Variants in KIFC1 observed in about 807,000 individuals in gnomAD.
KIFC1 encodes the protein kinesin-like protein KIFC1.
In KIFC1, 37 loss-of-function variants were observed where a neutral mutation model predicts 66.6. That is an observed-to-expected ratio of 0.56 (90% CI 0.43 to 0.73). KIFC1 has a LOEUF of 0.73. Among genes scored for constraint, KIFC1 ranks in the 30% least tolerant of loss-of-function variants. The pLI is 0.00. For missense variants in KIFC1, 721 were observed against 859.8 expected, an observed-to-expected ratio of 0.84 and a Z score of 2.02; for synonymous variants, 325 against 343.5, an observed-to-expected ratio of 0.95 and a Z score of 0.60.
rs1014722537 is a variant in KIFC1, at chr6:33,404,212, G to A, written c.756+83G>A. 5.3e-5 allele frequency: 74 copies of A among 1,399,412 alleles called. No individual in the cohort carries two copies. The highest frequency in any genetic ancestry group is 5.9e-5 in the Non-Finnish European group (61 of 1,025,212). 86.7% of individuals were successfully genotyped at this position (1,399,412 alleles called of 1,614,324 possible). A position where few individuals can be genotyped will look rare whatever the true frequency, so the allele number is the denominator to read the frequency against. ...CCCCTCCCTTCCAGGTACCCCTCAA[G>A]TCTGGGCTGAGAACTCCTGAGCACC... On this transcript the variant is annotated intron_variant, in intron 6 of 10. Transcript: ENST00000428849. This position sits in a 1 kb window ranked among gnomAD's most constrained non-coding sequence, Gnocchi z 4.0.
Position 33,400,264 on chromosome 6 carries a change from A to G in KIFC1, c.250+1877A>G, listed in dbSNP as rs1775304545. 33 of 1,567,502 alleles carry G rather than the reference A, an allele frequency of 2.1e-5. No homozygotes were observed. The highest frequency in any genetic ancestry group is 2.7e-5 in the Non-Finnish European group (31 of 1,153,192). On this transcript the variant is annotated intron_variant, in intron 3 of 10. Coordinates refer to ENST00000428849, the MANE Select transcript of KIFC1 (RefSeq NM_002263.4). This position sits in a 1 kb window ranked among gnomAD's most constrained non-coding sequence, Gnocchi z 4.3. ...AAAAGTGATATTCCCATTGTGTTTA[A>G]TGTTTTTCTGTTTCTTTCTGTCTCT...
intron 1 of KIFC1, among the ~76,000 whole-genome samples, chr6:33,392,466 G>A (rs1428083102): frequency 6.6e-6 from 1 of 152,160 alleles, no homozygotes; most frequent in Non-Finnish European, 1.5e-5. Context: ...TGTAGGAAAG[G>A]GAGAAGGAGA....
Position 33,406,100 on chromosome 6 carries a change from T to C in KIFC1, c.1537-96T>C, listed in dbSNP as rs536814909. 87 of 1,170,924 alleles carry C rather than the reference T, an allele frequency of 7.4e-5. No homozygotes were observed. Among genetic ancestry groups the C allele is most frequent in the Non-Finnish European group, 1.0e-4 (83 of 824,396 alleles). The allele number at this position is 1,170,924 out of a possible 1,614,324, so 72.5% of individuals were successfully genotyped here. On this transcript the variant is annotated intron_variant, in intron 7 of 10. Transcript: ENST00000428849. This position sits in a 1 kb window ranked among gnomAD's most constrained non-coding sequence, Gnocchi z 4.5. ...TTTGTTTCTTGACAGGCTAGAAAGC[T>C]TCAAGAGGGTGGGGGTGGGCTCTTA...
rs1775462887 is a variant in KIFC1, at chr6:33,403,202, T to G, written c.251-112T>G. On this transcript the variant is annotated intron_variant, in intron 3 of 10. Coordinates refer to ENST00000428849, the MANE Select transcript of KIFC1 (RefSeq NM_002263.4). This position sits in a 1 kb window ranked among gnomAD's most constrained non-coding sequence, Gnocchi z 4.6. ...AGACTTAGGGATAAGGGAAGGAAGT[T>G]ATCCTATTTCTAATTCTGAGAAAAG... 2.0e-6 allele frequency: 2 copies of G among 980,020 alleles called. No individual in the cohort carries two copies. The highest frequency in any genetic ancestry group is 2.7e-5 in the South Asian group (2 of 74,134). The allele number at this position is 980,020 out of a possible 1,614,324, so 60.7% of individuals were successfully genotyped here.
intron 10 of KIFC1, chr6:33,407,090 T>TAA: frequency 5.3e-6 from 7 of 1,319,900 alleles, no homozygotes; most frequent in South Asian, 1.7e-5. Context: ...GAAAGCTGAT[T>TAA]AAAAAAAAAA....
Position 33,405,116 on chromosome 6 carries a change from C to T in KIFC1, c.1021C>T (p.Pro341Ser), listed in dbSNP as rs1775575333. The T allele has an allele frequency of 2.5e-6, 4 of 1,614,118 alleles. No individual in the cohort carries two copies. In the South Asian group the frequency reaches 3.3e-5, roughly 13 times the overall value. The change falls in exon 7 of 11, where the codon CCC becomes TCC. Residue 341 changes from proline to serine, a missense_variant. Pro to Ser is a moderately conservative substitution (Grantham distance 74). Transcript: ENST00000428849. The surrounding 1 kb of genome is among the most constrained non-coding windows in gnomAD (Gnocchi z 5.4). ...LLLFPSGPGG[P>S]SDPPTRLSLS... Reference sequence around the variant, plus strand: ...CCTGTTTCCCTCTGGCCCTGGTGGGCCCTCTGATCCTCCAACCCGCCTTAG... The same window carrying T: ...CCTGTTTCCCTCTGGCCCTGGTGGGTCCTCTGATCCTCCAACCCGCCTTAG...
chr6:33,391,635 AT>A, upstream of KIFC1: 1 of 488,948 alleles, frequency 2.0e-6, no homozygotes, highest in South Asian at 2.1e-5. Flanking sequence ...GGTGAGAAGC[AT>A]AAGTGGCACC....
intron 1 of KIFC1, among the ~76,000 whole-genome samples, chr6:33,396,987 C>CTTTTTTTTTTTTTTTT (rs9282514): frequency 1.1e-5 from 1 of 89,204 alleles, no homozygotes; most frequent in Non-Finnish European, 2.1e-5. Context: ...TGGCCAAGTT[C>CTTTTTTTTTTTTTTTT]TTTTTTTTTT....
intron 10 of KIFC1, chr6:33,407,226 TAGTGAGACC>T: frequency 2.6e-6 from 1 of 387,818 alleles, no homozygotes; most frequent in Non-Finnish European, 4.3e-6. Context: ...CTGGGCAACA[TAGTGAGACC>T]CTGTCTCTAC....
At chr6:33,396,607 A>T (rs1369995013) in intron 1 of KIFC1, among the ~76,000 whole-genome samples, 1 of 151,348 alleles carries the variant, frequency 6.6e-6, no homozygotes, top group Non-Finnish European at 1.5e-5. Context: ...CTGGTTCGCT[A>T]AGGTGGATGT....
At chr6:33,397,949 T>C in intron 1 of KIFC1, 80 bp from the exon 2 acceptor site, 1 of 1,506,430 alleles carries the variant, frequency 6.6e-7, no homozygotes, top group South Asian at 1.2e-5. Context: ...TGTTGACAAT[T>C]GAGGCTGGGG....
chr6:33,396,974 G>A (rs1205400734), intron 1 of KIFC1, among the ~76,000 whole-genome samples: 71 of 139,494 alleles, frequency 5.1e-4, no homozygotes, highest in Admixed American at 9.0e-4. Flanking sequence ...AAGCCACCGC[G>A]CCTGGCCAAG....
chr6:33,408,020 G>A (rs1775736780), intron 10 of KIFC1, among the ~76,000 whole-genome samples: 1 of 152,170 alleles, frequency 6.6e-6, no homozygotes, highest in African/African-American at 2.4e-5. Flanking sequence ...CTTTGATGAG[G>A]GTTTCCCTCA....
rs367653320 is a variant in KIFC1 at position 33,406,554 on chromosome 6, C to T, written c.1828-38C>T. On this transcript the variant is annotated intron_variant, in intron 8 of 10. Transcript: ENST00000428849. The surrounding 1 kb of genome is among the most constrained non-coding windows in gnomAD (Gnocchi z 4.5). ...TTGGGGTTGGCTGTGCAGAACCCTG[C>T]CTATTCCTAAACATCTGTCCCCACC... The T allele has an allele frequency of 1.9e-6, 3 of 1,613,270 alleles. No homozygotes were observed. The highest frequency in any genetic ancestry group is 1.7e-6 in the Non-Finnish European group (2 of 1,179,494).
intron 3 of KIFC1, among the ~76,000 whole-genome samples, chr6:33,402,003 C>G (rs1282059100): frequency 6.6e-6 from 1 of 152,170 alleles, no homozygotes; most frequent in African/African-American, 2.4e-5. Flanking sequence ...CAGTGCCTGG[C>G]CTGGAATGCC....
rs192161187 is a variant in KIFC1 at position 33,405,767 on chromosome 6, G to A, written c.1536+136G>A. ...GTTATCAGGCTGGGTTACCACATCC[G>A]GTTTTGGCCTGTGGGCTGTCGGTAG... On this transcript the variant is annotated intron_variant, in intron 7 of 10. Transcript: ENST00000428849. The surrounding 1 kb of genome is among the most constrained non-coding windows in gnomAD (Gnocchi z 5.4). 4,181 of 950,590 alleles carry A rather than the reference G, an allele frequency of 4.4e-3. 25 individuals carry two copies. The highest frequency in any genetic ancestry group is 0.014 in the South Asian group (628 of 44,672). 58.9% of individuals were successfully genotyped at this position (950,590 alleles called of 1,614,324 possible). A position where few individuals can be genotyped will look rare whatever the true frequency, so the allele number is the denominator to read the frequency against.
chr6:33,392,118 C>A, intron 1 of KIFC1, 121 bp downstream of exon 1: 1 of 1,098,266 alleles, frequency 9.1e-7, no homozygotes. Context: ...GAGCGAAGGT[C>A]CGTGCGCCCC....
chr6:33,407,435 A>G (rs1159202058), intron 10 of KIFC1, among the ~76,000 whole-genome samples: 4 of 152,112 alleles, frequency 2.6e-5, no homozygotes, highest in Non-Finnish European at 4.4e-5. Flanking sequence ...AAAAATCCCT[A>G]AGATTCCTCC....
Position 33,404,872 on chromosome 6 carries a change from A to G in KIFC1, c.777A>G (p.Glu259=), listed in dbSNP as rs1337802646. 4 of 1,611,802 alleles carry G rather than the reference A, an allele frequency of 2.5e-6. No homozygotes were observed. The highest frequency in any genetic ancestry group is 1.7e-4 in the Middle Eastern group (1 of 6,050). The change falls in exon 7 of 11, where the codon GAA becomes GAG. Residue 259 remains glutamate (E), a synonymous_variant. Coordinates refer to ENST00000428849, the MANE Select transcript of KIFC1 (RefSeq NM_002263.4). This position sits in a 1 kb window ranked among gnomAD's most constrained non-coding sequence, Gnocchi z 4.0. ...GGCAGAGGAGGCTGCAGACATCAGA[A>G]GCAGCCCTGTCAAGCAGCCAAGCAG... ...EEKERRLQTS[E]AALSSSQAEV...
Sources: gnomAD v4.1 joint callset for allele counts (sites outside exome capture counted in the v4.1 genomes callset) on GRCh38, gnomAD v4.1.1 for gene constraint, Gnocchi (gnomAD v3.1) non-coding constraint, MANE v1.5 for transcripts, NCBI Gene and HGNC (gene_info 2026-07-23, HGNC 2026-07-21) for gene names.